MACROD2: variants seen among roughly 807,000 people sequenced by gnomAD.
MACROD2 encodes ADP-ribose glycohydrolase MACROD2.
A neutral mutation model predicts 70.4 loss-of-function variants in MACROD2; 36 were observed. The ratio of observed to expected loss-of-function variants is 0.51; its 90% confidence interval spans 0.39 to 0.68. The LOEUF (loss-of-function observed/expected upper bound fraction) is 0.68, where lower values mean the gene tolerates loss of function less well. Among genes scored for constraint, MACROD2 ranks in the 30% least tolerant of loss-of-function variants. The probability of loss-of-function intolerance (pLI) is 0.00; values close to 1 mark genes in which losing one functional copy is unlikely to be tolerated. For missense variants in MACROD2, 496 were observed against 538.4 expected, an observed-to-expected ratio of 0.92 and a Z score of 0.78; for synonymous variants, 172 against 178.8, an observed-to-expected ratio of 0.96 and a Z score of 0.30.
intron 3 of MACROD2, among the ~76,000 whole-genome samples, chr20:14,117,644 G>T (rs1569165949): frequency 6.6e-6 from 1 of 152,000 alleles, no homozygotes; most frequent in East Asian, 1.9e-4. Context: ...GTATGTGTAG[G>T]CTAAGGAGTT....
chr20:14,247,683 A>G (rs549840382), intron 3 of MACROD2, among the ~76,000 whole-genome samples: 1 of 152,348 alleles, frequency 6.6e-6, no homozygotes, highest in South Asian at 2.1e-4. Context: ...AAGTGCCTAT[A>G]AGTGACATGG....
chr20:15,380,153 A>T (rs896691494), intron 6 of MACROD2, among the ~76,000 whole-genome samples: 2 of 147,372 alleles, frequency 1.4e-5, no homozygotes, highest in Non-Finnish European at 3.0e-5. Flanking sequence ...AGCCACCCCC[A>T]TCTGTCATTC....
intron 6 of MACROD2, among the ~76,000 whole-genome samples, chr20:15,283,663 ACT>A (rs767632924): frequency 1.6e-4 from 25 of 152,158 alleles, no homozygotes; most frequent in Non-Finnish European, 2.9e-4. Context: ...CAAGAGTGAA[ACT>A]CTGTCTCAAA....
At chr20:15,403,425 A>AAGGAGGAGG (rs765788234) in intron 6 of MACROD2, among the ~76,000 whole-genome samples, 1 of 151,376 alleles carries the variant, frequency 6.6e-6, no homozygotes, top group Non-Finnish European at 1.5e-5. Context: ...AGAGAAGAAG[A>AAGGAGGAGG]AGGAGGAGGA....
intron 9 of MACROD2, among the ~76,000 whole-genome samples, chr20:15,870,235 ATAT>A (rs74175654): frequency 0.3 from 44,388 of 148,672 alleles, 6,970 homozygotes; most frequent in East Asian, 0.56. Context: ...GTTGGGTTTT[ATAT>A]TATTATTATT....
At chr20:15,194,103 A>C (rs949702034) in intron 5 of MACROD2, among the ~76,000 whole-genome samples, 11 of 151,798 alleles carry the variant, frequency 7.2e-5, no homozygotes, top group Non-Finnish European at 1.3e-4. Flanking sequence ...AAAATTAGCC[A>C]GGCATGATGG....
At chr20:15,171,197 A>T (rs973614080) in intron 5 of MACROD2, among the ~76,000 whole-genome samples, 1 of 151,822 alleles carries the variant, frequency 6.6e-6, no homozygotes, top group African/African-American at 2.4e-5. Context: ...TTTCATCATC[A>T]TGGTCTCTGT....
At chr20:15,430,635 A>G (rs1167214680) in intron 6 of MACROD2, among the ~76,000 whole-genome samples, 1 of 152,028 alleles carries the variant, frequency 6.6e-6, no homozygotes, top group Non-Finnish European at 1.5e-5. Context: ...GAACACTGCT[A>G]AGCAAAATAT....
intron 5 of MACROD2, among the ~76,000 whole-genome samples, chr20:14,969,187 A>G (rs2074667455): frequency 6.6e-6 from 1 of 151,786 alleles, no homozygotes; most frequent in Non-Finnish European, 1.5e-5. Flanking sequence ...ATAAATCTGT[A>G]CAGGAATAGA....
intron 6 of MACROD2, among the ~76,000 whole-genome samples, chr20:15,394,437 A>C (rs1020581813): frequency 6.6e-6 from 1 of 152,204 alleles, no homozygotes; most frequent in Non-Finnish European, 1.5e-5. Flanking sequence ...CCTTTTCCCC[A>C]GGAGTTGTGA....
chr20:14,850,168 T>C (rs2073185133), intron 5 of MACROD2: 1 of 321,988 alleles, frequency 3.1e-6, no homozygotes, highest in Non-Finnish European at 6.1e-6. Context: ...GCTTGCAACT[T>C]GTTTAGCTGG....
intron 6 of MACROD2, among the ~76,000 whole-genome samples, chr20:15,281,400 G>A (rs1011571218): frequency 6.6e-6 from 1 of 152,196 alleles, no homozygotes; most frequent in Non-Finnish European, 1.5e-5. Flanking sequence ...TTCTGCCTAT[G>A]AGCCTGTAAA....
intron 6 of MACROD2, among the ~76,000 whole-genome samples, chr20:15,416,480 A>G (rs565515672): frequency 1.8e-4 from 28 of 152,288 alleles, no homozygotes; most frequent in African/African-American, 6.7e-4. Flanking sequence ...ATCACAATTC[A>G]TTTGTTTAAA....
intron 5 of MACROD2, among the ~76,000 whole-genome samples, chr20:14,861,995 A>ATATATATT (rs1568838591): frequency 2.1e-4 from 6 of 28,544 alleles, no homozygotes; most frequent in South Asian, 9.5e-4. Context: ...ATATATATTT[A>ATATATATT]TATATATATT....
rs200823641 is a variant in MACROD2 at position 14,822,354 on chromosome 20, CTT to C, written c.418+137398_418+137399del. ...TGGATAAGTTTTAGGGTATCTGAAC[CTT>C]TTAAACCTTGTGGGTATCATTTGTA... On this transcript the variant is annotated intron_variant, in intron 5 of 17. Transcript: ENST00000684519. Among the ~76,000 whole-genome samples the C allele has an allele frequency of 7.0e-3, 1,067 of 152,086 alleles. 47 individuals carry two copies. The East Asian group carries it at 0.11, about 15-fold the overall frequency.
At chr20:15,968,080 C>A (rs908432029) in intron 13 of MACROD2, among the ~76,000 whole-genome samples, 4 of 152,126 alleles carry the variant, frequency 2.6e-5, no homozygotes, top group African/African-American at 9.7e-5. Context: ...CTAATGTAAA[C>A]CAGTTCTTCC....
At chr20:14,240,003 A>G (rs920630028) in intron 3 of MACROD2, among the ~76,000 whole-genome samples, 2 of 152,186 alleles carry the variant, frequency 1.3e-5, no homozygotes, top group Non-Finnish European at 2.9e-5. Context: ...ACCCCAAACA[A>G]CTTCATGAAA....
chr20:14,585,851 A>C (rs185370241), intron 4 of MACROD2, among the ~76,000 whole-genome samples: 191 of 152,306 alleles, frequency 1.3e-3, no homozygotes, highest in African/African-American at 4.4e-3. Context: ...GTTTTAGGTG[A>C]GATATTCAAG....
intron 3 of MACROD2, among the ~76,000 whole-genome samples, chr20:14,366,796 A>G (rs922370499): frequency 2.6e-5 from 4 of 152,172 alleles, no homozygotes; most frequent in Non-Finnish European, 4.4e-5. Flanking sequence ...TGGATCTAAA[A>G]TGAGTCTCTT....
Sources: allele counts gnomAD v4.1 joint callset (sites outside exome capture counted in the v4.1 genomes callset), GRCh38; gene constraint gnomAD v4.1.1; transcripts MANE v1.5; gene names NCBI Gene and HGNC (gene_info 2026-07-23, HGNC 2026-07-21).